The following NFIB variants were observed in gnomAD, a reference collection of about 807,000 sequenced individuals.
NFIB encodes nuclear factor I B.
A neutral mutation model predicts 61.5 loss-of-function variants in NFIB; 11 were observed. The ratio of observed to expected loss-of-function variants is 0.18; its 90% CI spans 0.11 to 0.30. NFIB has a LOEUF of 0.30. Ranked by LOEUF, NFIB falls within the 10% of genes least tolerant of loss-of-function variation. NFIB has a pLI of 1.00. For synonymous variants in NFIB, 260 were observed against 216.5 expected (o/e 1.20, Z -1.76); for missense variants, 471 against 608.9 (o/e 0.77, Z 2.38).
intron 10 of NFIB, among the ~76,000 whole-genome samples, chr9:14,103,233 G>A (rs1333883247): frequency 2.0e-5 from 3 of 151,906 alleles, no homozygotes; most frequent in Non-Finnish European, 4.4e-5. Context: ...GATTGTTCGA[G>A]TAACCCTATC....
the NFIB span, among the ~76,000 whole-genome samples, chr9:14,461,642 C>T: frequency 6.4e-4 from 97 of 152,336 alleles, no homozygotes; most frequent in Admixed American, 1.1e-3. Context: ...AGCGTCGGCA[C>T]CCCATTCTAT....
At chr9:14,436,852 T>C in the NFIB span, among the ~76,000 whole-genome samples, 5 of 152,222 alleles carry the variant, frequency 3.3e-5, no homozygotes, top group African/African-American at 9.6e-5. Context: ...CAGAAATGGA[T>C]CATGATTTCA....
At chr9:14,265,342 A>G (rs1354987201) in intron 2 of NFIB, among the ~76,000 whole-genome samples, 1 of 152,178 alleles carries the variant, frequency 6.6e-6, no homozygotes, top group Non-Finnish European at 1.5e-5. Context: ...ATTTGGAGAT[A>G]AAGCCTTTAC....
chr9:14,316,781 G>A (rs1314067195), upstream of NFIB, among the ~76,000 whole-genome samples: 2 of 152,108 alleles, frequency 1.3e-5, no homozygotes, highest in Non-Finnish European at 2.9e-5. Flanking sequence ...CTGAGGGGAG[G>A]GGGTGGGGAA....
chr9:14,372,318 G>T (rs1216068385), intron 1 of NFIB, among the ~76,000 whole-genome samples: 1 of 152,090 alleles, frequency 6.6e-6, no homozygotes, highest in African/African-American at 2.4e-5. Flanking sequence ...TAAGCATAAG[G>T]AGCCTCTAAT....
At chr9:14,455,923 A>G in the NFIB span, among the ~76,000 whole-genome samples, 1 of 152,292 alleles carries the variant, frequency 6.6e-6, no homozygotes, top group South Asian at 2.1e-4. Flanking sequence ...GAGAGTTTTG[A>G]AAATAAAAAA....
In NFIB at chr9:14,161,367, T is replaced by A. The variant is rs1261537867; in HGVS notation, c.617-5474A>T. Among the ~76,000 whole-genome samples, 4 of 152,192 alleles carry A rather than the reference T, an allele frequency of 2.6e-5. No individual in the cohort carries two copies. In the East Asian group the frequency reaches 7.7e-4, roughly 29 times the overall value. ...ATATTAATTTAGAATTAAGTGTATC[T>A]CTCAATATGAAACGTAAACCCACGA... On this transcript the variant is annotated intron_variant, in intron 3 of 10. Coordinates refer to ENST00000380953, the MANE Select transcript of NFIB (RefSeq NM_001190737.2).
the NFIB span, among the ~76,000 whole-genome samples, chr9:14,474,702 G>A: frequency 2.8e-4 from 42 of 152,266 alleles, no homozygotes; most frequent in African/African-American, 9.9e-4. Context: ...TTAAAATACA[G>A]TGGGGGACAG....
exon 1 of NFIB, chr9:14,398,858 G>T (rs375897972): frequency 9.5e-5 from 41 of 433,318 alleles, no homozygotes; most frequent in South Asian, 6.9e-4. Context: ...TACACTCGAG[G>T]AGTTTACTCC....
the NFIB span, among the ~76,000 whole-genome samples, chr9:14,445,002 T>C: frequency 7.2e-5 from 11 of 152,300 alleles, no homozygotes; most frequent in Middle Eastern, 3.4e-3. Context: ...CAATACAGTA[T>C]GTGTTCTTCT....
At chr9:14,377,468 C>A (rs2061432539) in intron 1 of NFIB, among the ~76,000 whole-genome samples, 4 of 152,178 alleles carry the variant, frequency 2.6e-5, no homozygotes, top group Admixed American at 2.6e-4. Context: ...TCTCCTGCCT[C>A]AGTCTCCCAA....
At chr9:14,194,563 A>G (rs2048282976) in intron 2 of NFIB, among the ~76,000 whole-genome samples, 1 of 152,250 alleles carries the variant, frequency 6.6e-6, no homozygotes, top group Admixed American at 6.5e-5. Context: ...TCAAAAAAGA[A>G]AAAAGACAAT....
intron 3 of NFIB, among the ~76,000 whole-genome samples, chr9:14,175,398 T>C (rs2131395948): frequency 6.6e-6 from 1 of 152,024 alleles, no homozygotes; most frequent in Admixed American, 6.6e-5. Context: ...ATGGTCTCGA[T>C]CTCCTGACCT....
At position 14,306,867 on chromosome 9, in the gene NFIB, C is replaced by G. The variant is rs1020945580; in HGVS notation, c.562+122G>C. The G allele has an allele frequency of 6.5e-6, 8 of 1,223,422 alleles. No homozygotes were observed. In the African/African-American group the frequency reaches 1.2e-4, roughly 18 times the overall value. 75.8% of individuals were successfully genotyped at this position (1,223,422 alleles called of 1,614,324 possible). On this transcript the variant is annotated intron_variant, in intron 2 of 10. Coordinates refer to ENST00000380953, the MANE Select transcript of NFIB (RefSeq NM_001190737.2). Reference sequence around the variant, plus strand: ...GAGTGAAAGCGGACACCCTACTATACCCAGAGAGGGTGGAGGATATCTAGG... The same window carrying G: ...GAGTGAAAGCGGACACCCTACTATAGCCAGAGAGGGTGGAGGATATCTAGG...
chr9:14,430,364 GA>G, the NFIB span, among the ~76,000 whole-genome samples: 3,184 of 143,222 alleles, frequency 0.022, 55 homozygotes, highest in Non-Finnish European at 0.033. Flanking sequence ...AGGAAGAAAA[GA>G]AAAAAAAAAA....
intron 2 of NFIB, among the ~76,000 whole-genome samples, chr9:14,218,337 G>C (rs189534850): frequency 1.7e-4 from 26 of 152,180 alleles, no homozygotes; most frequent in Non-Finnish European, 3.1e-4. Context: ...TCAAAACCTT[G>C]TTTCTGTTTT....
intron 5 of NFIB, among the ~76,000 whole-genome samples, chr9:14,147,504 T>TTA (rs889294767): frequency 6.6e-6 from 1 of 151,916 alleles, no homozygotes; most frequent in African/African-American, 2.4e-5. Flanking sequence ...AATTATAGTA[T>TTA]TTTACTGATT....
chr9:14,197,452 G>A (rs1321731750), intron 2 of NFIB, among the ~76,000 whole-genome samples: 1 of 152,168 alleles, frequency 6.6e-6, no homozygotes, highest in Non-Finnish European at 1.5e-5. Flanking sequence ...TTTGCAAATG[G>A]ATCTTCTTGA....
intron 1 of NFIB, among the ~76,000 whole-genome samples, chr9:14,335,248 T>C (rs546155664): frequency 1.3e-5 from 2 of 152,334 alleles, no homozygotes; most frequent in African/African-American, 4.8e-5. Context: ...GTTTAACTTT[T>C]TAAGAAAATG....
Sources: allele counts gnomAD v4.1 joint callset (sites outside exome capture counted in the v4.1 genomes callset), GRCh38; gene constraint gnomAD v4.1.1; transcripts MANE v1.5; gene names NCBI Gene and HGNC (gene_info 2026-07-23, HGNC 2026-07-21).